PBX3: variants seen among roughly 807,000 people sequenced by gnomAD.
The protein encoded by PBX3 is pre-B-cell leukemia transcription factor 3.
Under a neutral mutation model 48.5 loss-of-function variants are expected in PBX3, and 14 were observed. The observed-to-expected ratio is 0.29, with a 90% CI of 0.19 to 0.45. The LOEUF (loss-of-function observed/expected upper bound fraction) is 0.45, where lower values mean the gene tolerates loss of function less well. PBX3 is among the 20% of genes least tolerant of loss of function. PBX3 has a pLI of 1.00. For missense variants in PBX3, 386 were observed against 546.7 expected (o/e 0.71, Z 2.93); for synonymous variants, 210 against 200.3 (o/e 1.05, Z -0.41).
At chr9:125,954,323 G>C (rs1310797314) in intron 5 of PBX3, among the ~76,000 whole-genome samples, 1 of 152,148 alleles carries the variant, frequency 6.6e-6, no homozygotes, top group Non-Finnish European at 1.5e-5. Flanking sequence ...TAACTATAAT[G>C]ATGGTTTAGT....
intron 2 of PBX3, among the ~76,000 whole-genome samples, chr9:125,879,395 C>T (rs544458966): frequency 1.3e-5 from 2 of 152,194 alleles, no homozygotes; most frequent in South Asian, 4.2e-4. Flanking sequence ...ACATGCTATT[C>T]TTTATTAGAA....
At chr9:125,761,878 A>C (rs570483098) in intron 2 of PBX3, among the ~76,000 whole-genome samples, 5 of 152,284 alleles carry the variant, frequency 3.3e-5, no homozygotes, top group African/African-American at 1.2e-4. Flanking sequence ...TCTCATGGTA[A>C]TGATGCTGCT....
intron 8 of PBX3, among the ~76,000 whole-genome samples, chr9:125,964,526 T>TTA (rs397701185): frequency 1.8e-4 from 28 of 151,650 alleles, no homozygotes; most frequent in South Asian, 4.2e-4. Flanking sequence ...TTTTTTTTTT[T>TTA]AAATACTGTT....
intron 2 of PBX3, among the ~76,000 whole-genome samples, chr9:125,853,216 T>C (rs1452557928): frequency 1.3e-5 from 2 of 152,186 alleles, no homozygotes; most frequent in Non-Finnish European, 2.9e-5. Flanking sequence ...AGTGCAAAAC[T>C]AACTCTTAAA....
intron 2 of PBX3, among the ~76,000 whole-genome samples, chr9:125,845,591 T>C (rs954135501): frequency 2.0e-5 from 3 of 152,124 alleles, no homozygotes; most frequent in African/African-American, 7.2e-5. Flanking sequence ...AGAATGATCA[T>C]GAGCCAGGGA....
chr9:125,954,247 T>A (rs1412862161), intron 5 of PBX3, among the ~76,000 whole-genome samples: 1 of 152,190 alleles, frequency 6.6e-6, no homozygotes, highest in African/African-American at 2.4e-5. Context: ...CTACATTTGA[T>A]GGTCAAAATA....
intron 2 of PBX3, among the ~76,000 whole-genome samples, chr9:125,761,545 T>C (rs538795603): frequency 3.7e-4 from 57 of 152,164 alleles, no homozygotes; most frequent in Non-Finnish European, 6.8e-4. Context: ...TTTTGTCTTG[T>C]CATGATGCAT....
chr9:125,889,810 C>T (rs1336574663), intron 2 of PBX3, among the ~76,000 whole-genome samples: 2 of 148,538 alleles, frequency 1.3e-5, no homozygotes, highest in Admixed American at 6.7e-5. Context: ...GGAGGGGGAG[C>T]CGGATCGCCG....
intron 2 of PBX3, among the ~76,000 whole-genome samples, chr9:125,841,275 G>C (rs1839283788): frequency 6.6e-6 from 1 of 152,156 alleles, no homozygotes; most frequent in Admixed American, 6.5e-5. Flanking sequence ...GGTAAATACA[G>C]ATAATTAAAT....
intron 2 of PBX3, among the ~76,000 whole-genome samples, chr9:125,823,276 C>A (rs1762764289): frequency 6.6e-6 from 1 of 152,134 alleles, no homozygotes; most frequent in South Asian, 2.1e-4. Context: ...ATAAGCATCA[C>A]AAATAAAAGT....
At chr9:125,824,552 A>G (rs574634914) in intron 2 of PBX3, among the ~76,000 whole-genome samples, 63 of 152,342 alleles carry the variant, frequency 4.1e-4, no homozygotes, top group African/African-American at 1.5e-3. Flanking sequence ...TCTAGTCTCC[A>G]AGGTATATTG....
chr9:125,786,963 C>A (rs1003848938), intron 2 of PBX3, among the ~76,000 whole-genome samples: 5 of 150,860 alleles, frequency 3.3e-5, no homozygotes, highest in African/African-American at 1.2e-4. Context: ...GACCTCAGGT[C>A]ATCTGCCCAC....
intron 2 of PBX3, among the ~76,000 whole-genome samples, chr9:125,782,612 CT>C (rs1837352006): frequency 6.6e-6 from 1 of 152,104 alleles, no homozygotes; most frequent in Non-Finnish European, 1.5e-5. Flanking sequence ...TTAATATTGG[CT>C]TTTATATTTA....
intron 2 of PBX3, among the ~76,000 whole-genome samples, chr9:125,872,039 T>C (rs1049226269): frequency 3.9e-5 from 6 of 152,198 alleles, no homozygotes; most frequent in Non-Finnish European, 5.9e-5. Flanking sequence ...AAGAAGTTTA[T>C]GGGGTAACCA....
intron 8 of PBX3, 113 bp downstream of exon 8, chr9:125,963,214 G>T: frequency 1.9e-6 from 1 of 540,256 alleles, no homozygotes; most frequent in Non-Finnish European, 3.3e-6. Context: ...GGTAGGGAAG[G>T]CAGCGTCTTT....
chr9:125,926,121 G>A (rs777701206), intron 3 of PBX3, among the ~76,000 whole-genome samples: 3 of 152,204 alleles, frequency 2.0e-5, no homozygotes, highest in Non-Finnish European at 4.4e-5. Context: ...ACATAACTTG[G>A]AAATTATATA....
chr9:125,851,852 T>G (rs1000076937), intron 2 of PBX3, among the ~76,000 whole-genome samples: 8 of 149,792 alleles, frequency 5.3e-5, no homozygotes, highest in African/African-American at 2.0e-4. Context: ...GTTTAGAGAA[T>G]TCAAAAAATT....
intron 2 of PBX3, among the ~76,000 whole-genome samples, chr9:125,850,171 A>G (rs1159897169): frequency 1.3e-5 from 2 of 152,070 alleles, no homozygotes; most frequent in Admixed American, 6.6e-5. Context: ...TTGTAGCGTT[A>G]AATTTTACTA....
chr9:125,848,361 A>G (rs1839484006), intron 2 of PBX3, among the ~76,000 whole-genome samples: 1 of 151,934 alleles, frequency 6.6e-6, no homozygotes, highest in Non-Finnish European at 1.5e-5. Context: ...GGGTAAAAAC[A>G]TTGTGGTTTA....
Sources: gnomAD v4.1 joint callset for allele counts (sites outside exome capture counted in the v4.1 genomes callset) on GRCh38, gnomAD v4.1.1 for gene constraint, MANE v1.5 for transcripts, NCBI Gene and HGNC (gene_info 2026-07-23, HGNC 2026-07-21) for gene names.